Variants in EYA4 observed in about 807,000 individuals in gnomAD.
EYA4 encodes EYA transcriptional coactivator and phosphatase 4, also known as protein phosphatase EYA4.
A neutral mutation model predicts 87.9 loss-of-function variants in EYA4; 31 were observed. The observed-to-expected ratio is 0.35, with a 90% confidence interval of 0.27 to 0.48. The LOEUF (loss-of-function observed/expected upper bound fraction) is 0.48. EYA4 is among the 20% of genes least tolerant of loss of function. The pLI is 0.99. For synonymous variants in EYA4, 263 were observed against 270.6 expected, an observed-to-expected ratio of 0.97 and a Z score of 0.28; for missense variants, 678 against 761.4, an observed-to-expected ratio of 0.89 and a Z score of 1.29.
At chr6:133,509,389 G>A (rs1798931913) in intron 14 of EYA4, among the ~76,000 whole-genome samples, 1 of 147,148 alleles carries the variant, frequency 6.8e-6, no homozygotes. Context: ...AAGCTCTCAG[G>A]GTGCTTTTCT....
chr6:133,375,782 C>T (rs530293220), intron 2 of EYA4, among the ~76,000 whole-genome samples: 16 of 151,586 alleles, frequency 1.1e-4, no homozygotes, highest in Non-Finnish European at 1.5e-4. Flanking sequence ...ATATGGATAA[C>T]TTGTAAGTAT....
intron 2 of EYA4, among the ~76,000 whole-genome samples, chr6:133,287,025 C>T (rs1778119788): frequency 6.6e-6 from 1 of 152,106 alleles, no homozygotes; most frequent in Non-Finnish European, 1.5e-5. Flanking sequence ...GAGACATTGC[C>T]AAATGTCTTC....
chr6:133,427,927 C>A (rs1311150331), intron 3 of EYA4, among the ~76,000 whole-genome samples: 1 of 152,012 alleles, frequency 6.6e-6, no homozygotes, highest in Non-Finnish European at 1.5e-5. Context: ...ATTATGATGA[C>A]AAAATTTAAG....
At chr6:133,416,758 C>A (rs1789749607) in intron 3 of EYA4, among the ~76,000 whole-genome samples, 1 of 152,220 alleles carries the variant, frequency 6.6e-6, no homozygotes, top group African/African-American at 2.4e-5. Flanking sequence ...AACCACACTC[C>A]TTGATGTGAA....
intron 10 of EYA4, among the ~76,000 whole-genome samples, chr6:133,466,606 T>G (rs1794864462): frequency 6.6e-6 from 1 of 151,992 alleles, no homozygotes; most frequent in African/African-American, 2.4e-5. Flanking sequence ...ATCAACTGAA[T>G]ATAATTTTGA....
intron 3 of EYA4, among the ~76,000 whole-genome samples, chr6:133,432,285 AAC>A (rs772426615): frequency 1.3e-5 from 2 of 152,166 alleles, no homozygotes; most frequent in Non-Finnish European, 2.9e-5. Flanking sequence ...AGTTGCACTA[AAC>A]ACACGGCGCA....
At chr6:133,520,472 A>G (rs1335753899) in intron 17 of EYA4, among the ~76,000 whole-genome samples, 15 of 120,200 alleles carry the variant, frequency 1.2e-4, no homozygotes, top group African/African-American at 4.1e-4. Context: ...AACACTGCTC[A>G]AGGAAATAAA....
intron 1 of EYA4, among the ~76,000 whole-genome samples, chr6:133,244,730 G>C (rs577247142): frequency 1.6e-4 from 24 of 152,002 alleles, no homozygotes; most frequent in Non-Finnish European, 3.1e-4. Flanking sequence ...ACGGGAAATA[G>C]AGTATCCAAT....
intron 11 of EYA4, among the ~76,000 whole-genome samples, chr6:133,478,378 T>C (rs1260388767): frequency 2.6e-5 from 4 of 152,092 alleles, no homozygotes; most frequent in Non-Finnish European, 4.4e-5. Context: ...GCTTTATTCA[T>C]AGTAGCCTAA....
intron 2 of EYA4, among the ~76,000 whole-genome samples, chr6:133,332,002 A>G (rs1370172459): frequency 6.6e-6 from 1 of 152,164 alleles, no homozygotes; most frequent in Admixed American, 6.5e-5. Flanking sequence ...CCAGGGTTAT[A>G]TGGGTAATAA....
chr6:133,285,429 G>A (rs563487636), intron 2 of EYA4, among the ~76,000 whole-genome samples: 1 of 152,192 alleles, frequency 6.6e-6, no homozygotes, highest in Non-Finnish European at 1.5e-5. Flanking sequence ...GAATAGAAAG[G>A]ATGTCAGCGT....
chr6:133,397,803 G>T (rs72999771), intron 3 of EYA4, among the ~76,000 whole-genome samples: 1 of 152,160 alleles, frequency 6.6e-6, no homozygotes, highest in East Asian at 1.9e-4. Context: ...CATGGGGGCC[G>T]ACAAGAGAAG....
chr6:133,481,728 C>A, intron 12 of EYA4, 129 bp downstream of exon 12: 1 of 1,013,748 alleles, frequency 9.9e-7, no homozygotes, highest in South Asian at 1.3e-5. Context: ...AATGGAACTA[C>A]TTTGTGATAG....
intron 19 of EYA4, 121 bp from the exon 20 acceptor site, chr6:133,528,604 C>A: frequency 1.2e-6 from 1 of 814,984 alleles, no homozygotes; most frequent in Non-Finnish European, 2.2e-6. Flanking sequence ...CTCCCCTGAA[C>A]TTGGGTGGAC....
chr6:133,254,278 T>C (rs1267525445), intron 1 of EYA4, among the ~76,000 whole-genome samples: 1 of 152,198 alleles, frequency 6.6e-6, no homozygotes, highest in Non-Finnish European at 1.5e-5. Flanking sequence ...TCATGTTATT[T>C]TGAAGAATTT....
Position 133,496,473 on chromosome 6 carries a change from A to T in EYA4, c.1192-9633A>T, listed in dbSNP as rs528001630. Among the ~76,000 whole-genome samples, 7 of 152,250 alleles carry T rather than the reference A, an allele frequency of 4.6e-5. No individual in the cohort carries two copies. The South Asian group carries it at 1.5e-3, about 32-fold the overall frequency. On this transcript the variant is annotated intron_variant, in intron 13 of 19. Coordinates refer to ENST00000355286, the MANE Select transcript of EYA4 (RefSeq NM_004100.5). ...AATGTACAGATGGGGGACTGGAGAG[A>T]TCCCATTTCCCCTACATGACCACCC...
chr6:133,247,803 C>CA (rs1211807236), intron 1 of EYA4: 1 of 152,044 alleles, frequency 6.6e-6, no homozygotes, highest in Admixed American at 6.6e-5. Flanking sequence ...AGTACCCTCT[C>CA]ACGGTGGCCG....
At chr6:133,506,325 C>T in intron 14 of EYA4, 130 bp downstream of exon 14, 1 of 611,650 alleles carries the variant, frequency 1.6e-6, no homozygotes, top group Non-Finnish European at 2.9e-6. Flanking sequence ...AAGTTCTTGT[C>T]AAGAGGAAAA....
intron 11 of EYA4, among the ~76,000 whole-genome samples, chr6:133,473,355 G>A (rs1409530943): frequency 6.6e-6 from 1 of 151,994 alleles, no homozygotes; most frequent in Non-Finnish European, 1.5e-5. Context: ...CCCACCTTTG[G>A]CTTTCATTTG....
Sources: gnomAD v4.1 joint callset for allele counts (sites outside exome capture counted in the v4.1 genomes callset) on GRCh38, gnomAD v4.1.1 for gene constraint, MANE v1.5 for transcripts, NCBI Gene and HGNC (gene_info 2026-07-23, HGNC 2026-07-21) for gene names.